Variants in FNDC3A observed in about 807,000 individuals in gnomAD.
FNDC3A encodes fibronectin type III domain containing 3A.
FNDC3A carries 32 observed loss-of-function variants against 148.9 expected under a neutral mutation model. The ratio of observed to expected loss-of-function variants is 0.21; its 90% confidence interval spans 0.16 to 0.29. The LOEUF (loss-of-function observed/expected upper bound fraction) is 0.29, where lower values mean the gene tolerates loss of function less well. FNDC3A is among the 10% of genes least tolerant of loss of function. The pLI, the probability that FNDC3A is intolerant of heterozygous loss-of-function variation, is 1.00. For synonymous variants in FNDC3A, 472 were observed against 473.6 expected (o/e 1.00, Z 0.04); for missense variants, 1,191 against 1,452.8 (o/e 0.82, Z 2.93).
chr13:49,007,750 G>A (rs186623012), intron 2 of FNDC3A, among the ~76,000 whole-genome samples: 7 of 151,290 alleles, frequency 4.6e-5, no homozygotes, highest in Non-Finnish European at 3.0e-5. Flanking sequence ...AAGGATCTGG[G>A]AATAGAAGAA....
In FNDC3A at chr13:49,151,575, T is replaced by G. The variant is rs183064289; in HGVS notation, c.977+5640T>G. 2.4e-3 allele frequency among the ~76,000 whole-genome samples: 367 copies of G among 152,048 alleles called. 1 individual carries two copies. Among genetic ancestry groups the G allele is most frequent in the African/African-American group, 8.4e-3 (350 of 41,518 alleles). On this transcript the variant is annotated intron_variant, in intron 8 of 25. Coordinates refer to ENST00000492622, the MANE Select transcript of FNDC3A (RefSeq NM_001079673.2). ...GTAGAAAGTTTTTTGTTTCTTTTTG[T>G]TTTTTTTATTATTATTATACTTTAA...
At chr13:49,019,077 G>A (rs1220790773) in intron 2 of FNDC3A, among the ~76,000 whole-genome samples, 1 of 152,260 alleles carries the variant, frequency 6.6e-6, no homozygotes, top group East Asian at 1.9e-4. Flanking sequence ...CCTGCCCCCA[G>A]AGGTGGAGCC....
intron 1 of FNDC3A, among the ~76,000 whole-genome samples, chr13:48,978,134 T>C (rs1187868356): frequency 6.6e-6 from 1 of 151,504 alleles, no homozygotes; most frequent in Non-Finnish European, 1.5e-5. Flanking sequence ...TTCCTCTATC[T>C]GTGTGAGTAA....
intron 6 of FNDC3A, among the ~76,000 whole-genome samples, chr13:49,137,436 C>T (rs1446879723): frequency 6.6e-6 from 1 of 152,204 alleles, no homozygotes; most frequent in Non-Finnish European, 1.5e-5. Context: ...CCTCCGCCTC[C>T]TGTGTTGAAG....
intron 9 of FNDC3A, among the ~76,000 whole-genome samples, chr13:49,167,778 A>C (rs530046890): frequency 6.6e-4 from 101 of 152,126 alleles, no homozygotes; most frequent in African/African-American, 2.0e-3. Flanking sequence ...CAAAAAAAAA[A>C]CATTTAACTC....
At chr13:49,105,148 A>G (rs1880094840) in intron 3 of FNDC3A, among the ~76,000 whole-genome samples, 1 of 152,232 alleles carries the variant, frequency 6.6e-6, no homozygotes, top group Admixed American at 6.5e-5. Context: ...AATGCAAAAT[A>G]AGATCAAAGT....
chr13:49,039,212 G>A (rs1874733929), intron 2 of FNDC3A, among the ~76,000 whole-genome samples: 2 of 152,194 alleles, frequency 1.3e-5, no homozygotes, highest in Admixed American at 6.5e-5. Flanking sequence ...TTCAAAGTTA[G>A]TAAGGTATAA....
chr13:49,044,255 C>A, intron 2 of FNDC3A: 1 of 200,924 alleles, frequency 5.0e-6, no homozygotes, highest in South Asian at 1.0e-4. Flanking sequence ...AAGCTGTCCT[C>A]CATTAAGCTG....
At chr13:49,083,500 T>G (rs7333097) in intron 3 of FNDC3A, among the ~76,000 whole-genome samples, 75,382 of 151,658 alleles carry the variant, frequency 0.5, 19,900 homozygotes, top group Admixed American at 0.59. Context: ...TCTTTTAACA[T>G]GTTTAAAAGA....
intron 19 of FNDC3A, among the ~76,000 whole-genome samples, chr13:49,192,560 G>A (rs1885939921): frequency 6.6e-6 from 1 of 152,126 alleles, no homozygotes; most frequent in Admixed American, 6.5e-5. Context: ...GCCTCCCAAA[G>A]TAGTGGGATT....
At chr13:49,103,516 AT>A (rs918698744) in intron 3 of FNDC3A, among the ~76,000 whole-genome samples, 1 of 152,182 alleles carries the variant, frequency 6.6e-6, no homozygotes, top group Non-Finnish European at 1.5e-5. Context: ...ATACAATGAA[AT>A]TTGTTTTTTA....
chr13:49,107,882 A>G (rs1880300733), intron 3 of FNDC3A, among the ~76,000 whole-genome samples: 1 of 152,146 alleles, frequency 6.6e-6, no homozygotes, highest in Non-Finnish European at 1.5e-5. Flanking sequence ...CTTGATTTCT[A>G]CAGCTCAGGT....
intron 2 of FNDC3A, among the ~76,000 whole-genome samples, chr13:49,009,219 A>C (rs1237258391): frequency 6.6e-6 from 1 of 152,230 alleles, no homozygotes; most frequent in East Asian, 1.9e-4. Context: ...AATGCAATAC[A>C]GTATGTAGCC....
intron 1 of FNDC3A, among the ~76,000 whole-genome samples, chr13:48,991,280 T>G (rs1951910784): frequency 6.6e-6 from 1 of 152,182 alleles, no homozygotes; most frequent in Admixed American, 6.5e-5. Flanking sequence ...AATCAGTAAG[T>G]TAAACCAGAA....
intron 3 of FNDC3A, among the ~76,000 whole-genome samples, chr13:49,105,266 G>A (rs1303513155): frequency 6.6e-6 from 1 of 152,066 alleles, no homozygotes; most frequent in Non-Finnish European, 1.5e-5. Flanking sequence ...TAATATACTC[G>A]GGAAAACTAT....
chr13:49,120,905 A>G (rs1881296557), intron 4 of FNDC3A, among the ~76,000 whole-genome samples: 1 of 152,054 alleles, frequency 6.6e-6, no homozygotes, highest in Admixed American at 6.6e-5. Flanking sequence ...GGGTAATAAT[A>G]ATTAACACCC....
chr13:49,069,032 C>T (rs1441606505), intron 2 of FNDC3A, among the ~76,000 whole-genome samples: 2 of 151,836 alleles, frequency 1.3e-5, no homozygotes, highest in Non-Finnish European at 2.9e-5. Context: ...TATAACAAAC[C>T]TACACGTGTA....
chr13:49,043,388 A>G (rs1347775420), intron 2 of FNDC3A, among the ~76,000 whole-genome samples: 1 of 152,124 alleles, frequency 6.6e-6, no homozygotes, highest in Non-Finnish European at 1.5e-5. Context: ...TATGTGGCCC[A>G]TTCTTAAATT....
intron 2 of FNDC3A, among the ~76,000 whole-genome samples, chr13:49,069,605 A>G (rs1877509981): frequency 6.6e-6 from 1 of 152,192 alleles, no homozygotes; most frequent in African/African-American, 2.4e-5. Context: ...ACATACTCTA[A>G]AAAGGCATTG....
Sources: gnomAD v4.1 joint callset for allele counts (sites outside exome capture counted in the v4.1 genomes callset) on GRCh38, gnomAD v4.1.1 for gene constraint, MANE v1.5 for transcripts, NCBI Gene and HGNC (gene_info 2026-07-23, HGNC 2026-07-21) for gene names.